Variants in STK39 observed in about 807,000 individuals in gnomAD.
STK39 encodes serine/threonine kinase 39, also known as STE20/SPS1-related proline-alanine-rich protein kinase.
In STK39, 20 loss-of-function variants were observed where a neutral mutation model predicts 77.8. That is an observed-to-expected ratio of 0.26 (90% confidence interval 0.18 to 0.37). The LOEUF is 0.37. Among genes scored for constraint, STK39 ranks in the 10% least tolerant of loss-of-function variants. The pLI is 1.00. For synonymous variants in STK39, 246 were observed against 234.1 expected (o/e 1.05, Z -0.47); for missense variants, 479 against 656.5 (o/e 0.73, Z 2.95).
At chr2:168,024,551 T>G (rs1222361349) in intron 14 of STK39, among the ~76,000 whole-genome samples, 1 of 152,184 alleles carries the variant, frequency 6.6e-6, no homozygotes, top group Non-Finnish European at 1.5e-5. Flanking sequence ...ACCCTCTCTT[T>G]GCACTTCTGC....
intron 14 of STK39, among the ~76,000 whole-genome samples, chr2:168,034,263 G>A (rs1207501195): frequency 1.3e-5 from 2 of 152,180 alleles, no homozygotes; most frequent in African/African-American, 4.8e-5. Flanking sequence ...GACTGGGATT[G>A]ACTTACCTTG....
At position 168,130,327 on chromosome 2, in the gene STK39, G is replaced by A. The variant is rs578129032; in HGVS notation, c.975-569C>T. Reference sequence around the variant, plus strand: ...ATTCATTTAGAAGCATTACCAGATGGTGTGATTATTTCCTCATGGTGTCAT... The same window carrying A: ...ATTCATTTAGAAGCATTACCAGATGATGTGATTATTTCCTCATGGTGTCAT... On this transcript the variant is annotated intron_variant, in intron 8 of 17. Transcript: ENST00000355999. 7.2e-5 allele frequency among the ~76,000 whole-genome samples: 11 copies of A among 152,322 alleles called. 1 individual carries two copies. The East Asian group carries it at 1.3e-3, about 19-fold the overall frequency.
At chr2:168,232,855 C>A (rs938656762) in intron 1 of STK39, among the ~76,000 whole-genome samples, 1 of 151,382 alleles carries the variant, frequency 6.6e-6, no homozygotes, top group Non-Finnish European at 1.5e-5. Flanking sequence ...GAGGTTGCAG[C>A]GAGCCGAGAT....
At chr2:168,115,055 A>G (rs552508969) in intron 10 of STK39, among the ~76,000 whole-genome samples, 72 of 152,314 alleles carry the variant, frequency 4.7e-4, no homozygotes, top group African/African-American at 1.6e-3. Flanking sequence ...TCTACATAAT[A>G]GGCTCTAGGT....
chr2:168,202,012 G>A lies in STK39; in HGVS notation c.209-19922C>T, dbSNP rs183547579. On this transcript the variant is annotated intron_variant, in intron 1 of 17. Transcript: ENST00000355999. ...TGAGCCCAGAGAAACAGAAAACAAC[G>A]AGCCAGAGCTGGGGCTTCCTGAGAA... Among the ~76,000 whole-genome samples, 375 of 152,274 alleles carry A rather than the reference G, an allele frequency of 2.5e-3. 2 individuals are homozygous for A. The highest frequency in any genetic ancestry group is 8.6e-3 in the African/African-American group (357 of 41,552).
At chr2:168,139,597 T>G (rs999429143) in intron 7 of STK39, among the ~76,000 whole-genome samples, 1 of 152,068 alleles carries the variant, frequency 6.6e-6, no homozygotes, top group Non-Finnish European at 1.5e-5. Context: ...GTTTTTAAAA[T>G]AAATCCTCCC....
intron 16 of STK39, among the ~76,000 whole-genome samples, chr2:168,010,775 A>ATTT (rs1684251504): frequency 6.6e-6 from 1 of 152,236 alleles, no homozygotes; most frequent in East Asian, 1.9e-4. Context: ...GTATGTAAAT[A>ATTT]ACATACTGGA....
intron 16 of STK39, among the ~76,000 whole-genome samples, chr2:167,999,310 C>A (rs1173787255): frequency 6.6e-6 from 1 of 152,208 alleles, no homozygotes; most frequent in Non-Finnish European, 1.5e-5. Flanking sequence ...CAGAATGCTT[C>A]TCACAATTTG....
At chr2:167,985,734 T>C (rs772128967) in intron 16 of STK39, among the ~76,000 whole-genome samples, 8 of 152,204 alleles carry the variant, frequency 5.3e-5, no homozygotes, top group Admixed American at 1.3e-4. Context: ...TTACTAATAG[T>C]AAATAATAAT....
At chr2:168,166,932 G>A (rs13023246) in intron 3 of STK39, among the ~76,000 whole-genome samples, 28,110 of 151,970 alleles carry the variant, frequency 0.18, 2,666 homozygotes, top group East Asian at 0.25. Context: ...CTGTGGAGAG[G>A]ATGTGACCTT....
At chr2:168,123,213 C>G (rs142719469) in intron 10 of STK39, among the ~76,000 whole-genome samples, 2 of 152,186 alleles carry the variant, frequency 1.3e-5, no homozygotes, top group South Asian at 4.1e-4. Flanking sequence ...AAAAGAAACA[C>G]TGTTCTAGAT....
Position 167,955,541 on chromosome 2 carries a change from A to G in STK39, c.1593T>C (p.Pro531=). 1 of 1,613,932 alleles carries G rather than the reference A, an allele frequency of 6.2e-7. No individual in the cohort carries two copies. The highest frequency in any genetic ancestry group is 8.5e-7 in the Non-Finnish European group (1 of 1,179,906). The change falls in exon 18 of 18, where the codon CCT becomes CCC. Residue 531 remains proline (P), a synonymous_variant. Transcript: ENST00000355999. The part of the protein sequence containing the change: ...LASGCDGSEI[P]DEVKLIGFAQ... ...CAAACCCAATCAGCTTCACTTCATC[A>G]GGAATCTCCGACCCATCACAGCCAG...
At position 168,049,027 on chromosome 2, in the gene STK39, T is replaced by C. The variant is rs558280752; in HGVS notation, c.1376+14473A>G. Among the ~76,000 whole-genome samples the C allele has an allele frequency of 4.6e-5, 7 of 152,364 alleles. 1 individual carries two copies. The South Asian group carries it at 8.3e-4, about 18-fold the overall frequency. Reference sequence around the variant, plus strand: ...TTGCAAAAGGAACAAGTGATAGCTCTGATAACCAGTGGCCACTGAGTACCT... The same window carrying C: ...TTGCAAAAGGAACAAGTGATAGCTCCGATAACCAGTGGCCACTGAGTACCT... On this transcript the variant is annotated intron_variant, in intron 14 of 17. Transcript: ENST00000355999.
intron 16 of STK39, among the ~76,000 whole-genome samples, chr2:167,969,631 C>T (rs1025445646): frequency 2.6e-5 from 4 of 152,180 alleles, no homozygotes; most frequent in African/African-American, 9.6e-5. Context: ...GTAAAACATT[C>T]ATCTTTGAAA....
chr2:168,106,170 G>A (rs1002229598), intron 10 of STK39, among the ~76,000 whole-genome samples: 1 of 152,202 alleles, frequency 6.6e-6, no homozygotes, highest in Non-Finnish European at 1.5e-5. Context: ...ACTCAGTCAG[G>A]AGGCAAGATT....
Position 168,230,050 on chromosome 2 carries a change from G to A in STK39, c.208+17178C>T, listed in dbSNP as rs963825431. ...GTTGGGTAATAGTTTCCCCTAATAC[G>A]TGTGAAAAACAAAAGTTAGATGAAT... On this transcript the variant is annotated intron_variant, in intron 1 of 17. Transcript: ENST00000355999. 8.5e-5 allele frequency among the ~76,000 whole-genome samples: 13 copies of A among 152,118 alleles called. 1 individual carries two copies. The highest frequency in any genetic ancestry group is 4.2e-4 in the South Asian group (2 of 4,818).
chr2:168,134,195 C>T (rs529634833), intron 8 of STK39, among the ~76,000 whole-genome samples: 1 of 152,242 alleles, frequency 6.6e-6, no homozygotes, highest in East Asian at 1.9e-4. Flanking sequence ...AGGCTTTGAA[C>T]AATGATTCAA....
chr2:168,092,557 C>A (rs1389195224), intron 10 of STK39, among the ~76,000 whole-genome samples: 1 of 152,146 alleles, frequency 6.6e-6, no homozygotes, highest in Non-Finnish European at 1.5e-5. Context: ...TATTCTCACA[C>A]AGTGAATAAA....
chr2:168,056,611 C>T (rs1015881014), intron 14 of STK39, among the ~76,000 whole-genome samples: 1 of 152,108 alleles, frequency 6.6e-6, no homozygotes, highest in African/African-American at 2.4e-5. Context: ...CCGGCAGCCA[C>T]GCATCACATT....
Sources: gnomAD v4.1 joint callset for allele counts (sites outside exome capture counted in the v4.1 genomes callset) on GRCh38, gnomAD v4.1.1 for gene constraint, MANE v1.5 for transcripts, NCBI Gene and HGNC (gene_info 2026-07-23, HGNC 2026-07-21) for gene names.